The following ELP1 variants were observed in gnomAD, a reference collection of about 807,000 sequenced individuals.
ELP1 encodes elongator acetyltransferase complex subunit 1.
In ELP1, 131 loss-of-function variants were observed where a neutral mutation model predicts 183.2. The ratio of observed to expected loss-of-function variants is 0.72; its 90% confidence interval spans 0.62 to 0.83. The LOEUF is 0.83. Among genes scored for constraint, ELP1 ranks in the 40% least tolerant of loss-of-function variants. ELP1 has a pLI of 0.00. For missense variants in ELP1, 1,550 were observed against 1,594.9 expected (o/e 0.97, Z 0.48); for synonymous variants, 555 against 569.0 (o/e 0.98, Z 0.35).
chr9:108,889,484 C>A, intron 28 of ELP1, 91 bp from the exon 29 acceptor site: 1 of 1,170,936 alleles, frequency 8.5e-7, no homozygotes, highest in East Asian at 2.3e-5. Flanking sequence ...ATGTATGAAA[C>A]TATGTACTTT....
At chr9:108,910,903 A>T (rs1283853522) in intron 12 of ELP1, 107 bp downstream of exon 12, 3 of 976,436 alleles carry the variant, frequency 3.1e-6, no homozygotes, top group Non-Finnish European at 4.9e-6. Flanking sequence ...AGACTTAAAA[A>T]TTTTGAGAAA....
In ELP1 at chr9:108,891,348, C is replaced by T. The variant is rs781623768; in HGVS notation, c.3015G>A (p.Ala1005=). ...CACCGCAACGGGCAAACATGAGCCC[C>T]GCTGGCTCATACATGTGCTCCTGCA... ...HLMQEHMYEP[A]GLMFARCGAH... Residue 1005 remains alanine (A), a synonymous_variant, in exon 28 of 37, where the codon GCG becomes GCA. Coordinates refer to ENST00000374647, the MANE Select transcript of ELP1 (RefSeq NM_003640.5). 1.3e-5 allele frequency: 21 copies of T among 1,614,088 alleles called. No individual in the cohort carries two copies. Among genetic ancestry groups the T allele is most frequent in the Non-Finnish European group, 1.6e-5 (19 of 1,180,024 alleles).
chr9:108,883,739 T>C (rs1021526205), intron 29 of ELP1, among the ~76,000 whole-genome samples: 1 of 152,118 alleles, frequency 6.6e-6, no homozygotes. Context: ...ATGATATTTA[T>C]TATAAATCCT....
chr9:108,876,011 G>A (rs1421960060), intron 35 of ELP1, among the ~76,000 whole-genome samples: 2 of 152,186 alleles, frequency 1.3e-5, no homozygotes, highest in Non-Finnish European at 2.9e-5. Context: ...GGTGGCTGAT[G>A]CCTATAGTCC....
At chr9:108,889,662 A>C (rs1828249759) in intron 28 of ELP1, 1 of 508,822 alleles carries the variant, frequency 2.0e-6, no homozygotes, top group Non-Finnish European at 3.6e-6. Context: ...CTCTCACTAA[A>C]CCACTTCGTC....
chr9:108,929,693 T>C, intron 3 of ELP1, 76 bp downstream of exon 3: 1 of 1,486,340 alleles, frequency 6.7e-7, no homozygotes, highest in Non-Finnish European at 9.4e-7. Context: ...GCTACTGATT[T>C]GAAAACTTCC....
At chr9:108,927,570 G>T in intron 3 of ELP1, 117 bp from the exon 4 acceptor site, 1 of 791,036 alleles carries the variant, frequency 1.3e-6, no homozygotes, top group Non-Finnish European at 2.2e-6. Flanking sequence ...GTATATGGAA[G>T]AGATATCTGC....
rs1308740276 is a variant in ELP1, at chr9:108,933,884, G to A, written c.-76C>T. ...CTTACCTGAGGACCCCCAAACAGAG[G>A]TGCGTCCGGCCTCGCCTCCCCAGCC... On this transcript the variant is annotated 5_prime_UTR_variant, in exon 1 of 37. Coordinates refer to ENST00000374647, the MANE Select transcript of ELP1 (RefSeq NM_003640.5). The A allele has an allele frequency of 2.6e-5, 4 of 156,666 alleles. No individual in the cohort carries two copies. The highest frequency in any genetic ancestry group is 7.2e-5 in the African/African-American group (3 of 41,584). The allele number at this position is 156,666 out of a possible 1,614,324, so 9.7% of individuals were successfully genotyped here.
chr9:108,878,915 T>C (rs530072046), intron 33 of ELP1, among the ~76,000 whole-genome samples, 165 bp from the exon 34 acceptor site: 1 of 152,330 alleles, frequency 6.6e-6, no homozygotes, highest in South Asian at 2.1e-4. Flanking sequence ...TATATAATCT[T>C]GCATTGCTTT....
rs548711778 is a variant in ELP1, at chr9:108,913,697, G to C, written c.959-1203C>G. ...GAGTCTCACTCTGTCACCCATGCTG[G>C]AGTGCAGTGGCTCAATCTCGGCTCA... On this transcript the variant is annotated intron_variant, in intron 10 of 36. Coordinates refer to ENST00000374647, the MANE Select transcript of ELP1 (RefSeq NM_003640.5). Among the ~76,000 whole-genome samples, 22 of 152,158 alleles carry C rather than the reference G, an allele frequency of 1.4e-4. No individual in the cohort carries two copies. In the South Asian group the frequency reaches 4.4e-3, roughly 30 times the overall value.
intron 36 of ELP1, among the ~76,000 whole-genome samples, chr9:108,870,742 A>T (rs1827418577): frequency 6.6e-6 from 1 of 152,212 alleles, no homozygotes; most frequent in Non-Finnish European, 1.5e-5. Context: ...ACATAGAATC[A>T]TCCATGTTGT....
intron 35 of ELP1, among the ~76,000 whole-genome samples, chr9:108,876,136 T>G (rs1361356849): frequency 6.6e-6 from 1 of 151,658 alleles, no homozygotes; most frequent in Non-Finnish European, 1.5e-5. Context: ...ATTAACCAGG[T>G]GTTGTGGCAT....
In ELP1 at chr9:108,881,697, AC is replaced by A. The variant is rs1457044841; in HGVS notation, c.3346+7del. On this transcript the variant is annotated splice_region_variant and intron_variant, in intron 31 of 36. Coordinates refer to ENST00000374647, the MANE Select transcript of ELP1 (RefSeq NM_003640.5). ...AATGAGGAATTCTATCTAAAATGGA[AC>A]CCTCACCTTCTAAAATGGAAGGCTT... 1 of 1,543,102 alleles carries A rather than the reference AC, an allele frequency of 6.5e-7. No homozygotes were observed. The highest frequency in any genetic ancestry group is 2.3e-5 in the East Asian group (1 of 44,430).
chr9:108,875,024 G>T lies in ELP1; in HGVS notation c.3856-54C>A, dbSNP rs2027433. On this transcript the variant is annotated intron_variant, in intron 35 of 36. Coordinates refer to ENST00000374647, the MANE Select transcript of ELP1 (RefSeq NM_003640.5). ...AGATTATCTAATACTTCTCAAGACTGCCAATACCAAAGGCCAAATCCCTAC... is the reference window on the plus strand; with the variant it reads ...AGATTATCTAATACTTCTCAAGACTTCCAATACCAAAGGCCAAATCCCTAC... 0.31 allele frequency: 388,067 copies of T among 1,242,842 alleles called. 68,175 individuals are homozygous for T. Among genetic ancestry groups the T allele is most frequent in the African/African-American group, 0.69 (46,596 of 67,424 alleles). The allele number at this position is 1,242,842 out of a possible 1,614,324, so 77.0% of individuals were successfully genotyped here.
intron 14 of ELP1, among the ~76,000 whole-genome samples, chr9:108,905,660 G>A: frequency 6.6e-6 from 1 of 152,186 alleles, no homozygotes. Flanking sequence ...TCTGAGAAAT[G>A]TGTTGTTAGG....
intron 12 of ELP1, 48 bp downstream of exon 12, chr9:108,910,962 T>C (rs1829193864): frequency 6.4e-7 from 1 of 1,567,450 alleles, no homozygotes; most frequent in African/African-American, 1.4e-5. Context: ...TATGTAGGAG[T>C]AGAAGGGACT....
chr9:108,886,969 G>A (rs924228440), intron 29 of ELP1, among the ~76,000 whole-genome samples: 6 of 146,970 alleles, frequency 4.1e-5, no homozygotes, highest in Non-Finnish European at 3.0e-5. Flanking sequence ...AGCACTTTGG[G>A]AGGCTGAGAC....
chr9:108,880,211 AAG>A (rs1827873478), intron 31 of ELP1, 46 bp from the exon 32 acceptor site: 1 of 1,339,018 alleles, frequency 7.5e-7, no homozygotes, highest in Non-Finnish European at 1.1e-6. Context: ...GGTTTAAGCA[AAG>A]AGAAAAAACT....
chr9:108,889,764 G>C, intron 28 of ELP1: 1 of 318,978 alleles, frequency 3.1e-6, no homozygotes, highest in South Asian at 3.1e-5. Flanking sequence ...TTAGATCCTA[G>C]AATCACTCTC....
Sources: gnomAD v4.1 joint callset for allele counts (sites outside exome capture counted in the v4.1 genomes callset) on GRCh38, gnomAD v4.1.1 for gene constraint, MANE v1.5 for transcripts, NCBI Gene and HGNC (gene_info 2026-07-23, HGNC 2026-07-21) for gene names.